Variants in MSI2 observed in about 807,000 individuals in gnomAD.
MSI2 encodes musashi RNA binding protein 2, also known as RNA-binding protein Musashi homolog 2.
MSI2 carries 17 observed loss-of-function variants against 45.6 expected under a neutral mutation model. The ratio of observed to expected loss-of-function variants is 0.37; its 90% CI spans 0.26 to 0.56. MSI2 has a LOEUF of 0.56. Among genes scored for constraint, MSI2 ranks in the 20% least tolerant of loss-of-function variants. The probability of loss-of-function intolerance (pLI) is 0.77; values close to 1 mark genes in which losing one functional copy is unlikely to be tolerated. For synonymous variants in MSI2, 156 were observed against 158.2 expected (o/e 0.99, Z 0.11); for missense variants, 293 against 444.2 (o/e 0.66, Z 3.06).
At chr17:57,691,000 G>A in the MSI2 span, among the ~76,000 whole-genome samples, 1 of 152,136 alleles carries the variant, frequency 6.6e-6, no homozygotes, top group Admixed American at 6.5e-5. Context: ...ATGGGGTCTG[G>A]TTTTTCTTTT....
In MSI2 at chr17:57,455,279, T is replaced by G. The variant is rs543699714; in HGVS notation, c.405+53808T>G. On this transcript the variant is annotated intron_variant, in intron 6 of 13. Coordinates refer to ENST00000284073, the MANE Select transcript of MSI2 (RefSeq NM_138962.4). ...TGTGGTCAGCCTCTGAATAATGCAG[T>G]GAAGCCCCTGCCCCCCAACTCACAC... is the stretch of plus-strand genomic sequence containing the variant. Among the ~76,000 whole-genome samples, 10 of 152,308 alleles carry G rather than the reference T, an allele frequency of 6.6e-5. No individual in the cohort carries two copies. In the East Asian group the frequency reaches 1.7e-3, roughly 26 times the overall value.
At chr17:57,676,806 G>A (rs924689065) in intron 12 of MSI2, among the ~76,000 whole-genome samples, 181 bp from the exon 13 acceptor site, 2 of 152,184 alleles carry the variant, frequency 1.3e-5, no homozygotes, top group Admixed American at 6.5e-5. Context: ...GAGGGAGTGG[G>A]GACTAGGGAT....
In MSI2 at chr17:57,646,602, G is replaced by A. The variant is rs115438849; in HGVS notation, c.728-5497G>A. Among the ~76,000 whole-genome samples, 1,118 of 152,292 alleles carry A rather than the reference G, an allele frequency of 7.3e-3. 15 individuals carry two copies. Among genetic ancestry groups the A allele is most frequent in the African/African-American group, 0.025 (1,038 of 41,566 alleles). ...ACAGGGCCCGAAGAAGTGAAGTGTC[G>A]TGTCCAATTGCACAGCAAAGCAGGG... On this transcript the variant is annotated intron_variant, in intron 10 of 13. Coordinates refer to ENST00000284073, the MANE Select transcript of MSI2 (RefSeq NM_138962.4).
chr17:57,544,802 A>G (rs2087127021), intron 7 of MSI2, among the ~76,000 whole-genome samples: 1 of 152,110 alleles, frequency 6.6e-6, no homozygotes, highest in Non-Finnish European at 1.5e-5. Context: ...CTGAAGGGTG[A>G]TGTTTCTATT....
intron 9 of MSI2, among the ~76,000 whole-genome samples, chr17:57,625,311 C>T (rs1242898852): frequency 2.0e-5 from 3 of 152,178 alleles, no homozygotes; most frequent in African/African-American, 7.2e-5. Flanking sequence ...GGTGGCAGAT[C>T]CACTGATCCT....
At chr17:57,513,276 A>G (rs1233701094) in intron 6 of MSI2, among the ~76,000 whole-genome samples, 1 of 152,140 alleles carries the variant, frequency 6.6e-6, no homozygotes, top group Non-Finnish European at 1.5e-5. Context: ...GCTCGGCTGA[A>G]TTAGCATCTC....
intron 5 of MSI2, among the ~76,000 whole-genome samples, chr17:57,401,051 C>T (rs1358125392): frequency 2.0e-5 from 3 of 152,208 alleles, no homozygotes; most frequent in Admixed American, 6.5e-5. Flanking sequence ...GTTTTGTTCA[C>T]GTCTCTTAGC....
At chr17:57,341,500 A>G (rs1226259365) in intron 5 of MSI2, among the ~76,000 whole-genome samples, 3 of 152,226 alleles carry the variant, frequency 2.0e-5, no homozygotes, top group Non-Finnish European at 2.9e-5. Flanking sequence ...ATCTAAGGCC[A>G]GGATGTCCTG....
intron 5 of MSI2, among the ~76,000 whole-genome samples, chr17:57,339,506 C>T (rs1295709342): frequency 1.3e-5 from 2 of 152,126 alleles, no homozygotes; most frequent in African/African-American, 4.8e-5. Context: ...CGGGCCCCCT[C>T]CCTGTGGCAC....
chr17:57,426,289 T>C (rs894343629), intron 6 of MSI2, among the ~76,000 whole-genome samples: 7 of 152,272 alleles, frequency 4.6e-5, no homozygotes. Context: ...ACTGACTTTT[T>C]CCTTCATCTA....
At chr17:57,374,894 G>A (rs1356561234) in intron 5 of MSI2, among the ~76,000 whole-genome samples, 1 of 152,216 alleles carries the variant, frequency 6.6e-6, no homozygotes, top group East Asian at 1.9e-4. Context: ...GGCAGCCAGA[G>A]CACTAGTCTT....
Position 57,508,467 on chromosome 17 carries a change from T to G in MSI2, c.406-21209T>G, listed in dbSNP as rs11654571. Among the ~76,000 whole-genome samples the G allele has an allele frequency of 2.5e-3, 379 of 152,316 alleles. 1 individual carries two copies. Among genetic ancestry groups the G allele is most frequent in the Non-Finnish European group, 4.6e-3 (313 of 68,024 alleles). ...AACCTTAAATCTCATTTTAAAGTGA[T>G]GAATACAAAATGCATTTGAAGGCTA... On this transcript the variant is annotated intron_variant, in intron 6 of 13. Transcript: ENST00000284073.
chr17:57,645,900 A>T (rs75385009), intron 10 of MSI2, among the ~76,000 whole-genome samples: 1 of 152,308 alleles, frequency 6.6e-6, no homozygotes, highest in East Asian at 1.9e-4. Context: ...CATTTGCCAT[A>T]GCTGTGTCCC....
At chr17:57,615,158 C>T (rs1411891154) in intron 8 of MSI2, among the ~76,000 whole-genome samples, 2 of 146,040 alleles carry the variant, frequency 1.4e-5, no homozygotes, top group South Asian at 2.2e-4. Flanking sequence ...GACAGGGTCT[C>T]GCTGTGTCAC....
At chr17:57,346,214 A>G (rs1331623880) in intron 5 of MSI2, among the ~76,000 whole-genome samples, 1 of 152,246 alleles carries the variant, frequency 6.6e-6, no homozygotes, top group Non-Finnish European at 1.5e-5. Context: ...TAAATGAGAA[A>G]CCACTTGCTC....
At chr17:57,533,852 G>A (rs896567770) in intron 7 of MSI2, among the ~76,000 whole-genome samples, 1 of 152,164 alleles carries the variant, frequency 6.6e-6, no homozygotes, top group African/African-American at 2.4e-5. Flanking sequence ...GCTTCCCCTG[G>A]GGAAATCCTG....
the MSI2 span, among the ~76,000 whole-genome samples, chr17:57,690,767 C>G: frequency 1.3e-4 from 20 of 152,232 alleles, no homozygotes; most frequent in African/African-American, 4.8e-4. Context: ...TTTCAAATAG[C>G]AAAAGTTCTT....
At chr17:57,293,608 T>G (rs1341396078) in intron 5 of MSI2, among the ~76,000 whole-genome samples, 1 of 140,464 alleles carries the variant, frequency 7.1e-6, no homozygotes, top group Admixed American at 6.8e-5. Context: ...TTTTTTTTTG[T>G]TTTTTTTTGT....
intron 5 of MSI2, among the ~76,000 whole-genome samples, chr17:57,385,924 G>A (rs537281915): frequency 7.2e-5 from 11 of 152,154 alleles, no homozygotes; most frequent in Admixed American, 2.0e-4. Flanking sequence ...GGCACAGAAC[G>A]AAATCTTGTA....
Sources: gnomAD v4.1 joint callset for allele counts (sites outside exome capture counted in the v4.1 genomes callset) on GRCh38, gnomAD v4.1.1 for gene constraint, MANE v1.5 for transcripts, NCBI Gene and HGNC (gene_info 2026-07-23, HGNC 2026-07-21) for gene names.